ABCA9: variants seen among roughly 807,000 people sequenced by gnomAD.
ABCA9 encodes ATP binding cassette subfamily A member 9.
Under a neutral mutation model 205.3 loss-of-function variants are expected in ABCA9, and 183 were observed. The ratio of observed to expected loss-of-function variants is 0.89; its 90% CI spans 0.79 to 1.01. ABCA9 has a LOEUF of 1.01. Ranked by LOEUF, ABCA9 falls within the 50% of genes least tolerant of loss-of-function variation. ABCA9 has a pLI of 0.00. For synonymous variants in ABCA9, 651 were observed against 683.3 expected (o/e 0.95, Z 0.74); for missense variants, 1,805 against 1,912.4 (o/e 0.94, Z 1.05).
In ABCA9 at chr17:68,984,088, G is replaced by T; in HGVS notation, c.4467C>A (p.Asp1489Glu). Residue 1489 changes from aspartate (D) to glutamate (E), a missense_variant, in exon 35 of 39, where the codon GAC becomes GAA. Transcript: ENST00000340001. ...TTCCTGACACCATGATGGCCACTCG[G>T]TCACACACCGCCTCAGCCTCTGCCA... ...HYMAEAEAVC[D>E]RVAIMVSGRL... 1.2e-6 allele frequency: 2 copies of T among 1,614,142 alleles called. No individual in the cohort carries two copies. The highest frequency in any genetic ancestry group is 2.2e-5 in the South Asian group (2 of 91,072).
At chr17:69,035,956 T>C (rs2071324118) in intron 6 of ABCA9, among the ~76,000 whole-genome samples, 155 bp from the exon 7 acceptor site, 1 of 152,122 alleles carries the variant, frequency 6.6e-6, no homozygotes, top group Admixed American at 6.6e-5. Context: ...CAGGATCACA[T>C]AATATAAAAG....
chr17:68,989,012 G>A lies in ABCA9; in HGVS notation c.4047+15C>T. On this transcript the variant is annotated intron_variant, in intron 31 of 38. Coordinates refer to ENST00000340001, the MANE Select transcript of ABCA9 (RefSeq NM_080283.4). ...AGGTAGCACTAATGACCATATTCCT[G>A]TACGTTTTACTGACCTGTCCTGCAG... The A allele has an allele frequency of 1.9e-6, 3 of 1,543,974 alleles. No individual in the cohort carries two copies. The highest frequency in any genetic ancestry group is 2.2e-5 in the East Asian group (1 of 44,464).
intron 17 of ABCA9, among the ~76,000 whole-genome samples, chr17:69,022,809 C>T (rs1349396150): frequency 1.3e-5 from 2 of 152,124 alleles, no homozygotes; most frequent in African/African-American, 4.8e-5. Flanking sequence ...AAAAGATAAA[C>T]TAATTCAATA....
Position 69,017,699 on chromosome 17 carries a change from T to G in ABCA9, c.2858A>C (p.Asp953Ala), listed in dbSNP as rs774340921. 7 of 1,613,310 alleles carry G rather than the reference T, an allele frequency of 4.3e-6. No homozygotes were observed. The highest frequency in any genetic ancestry group is 5.9e-6 in the Non-Finnish European group (7 of 1,179,498). Residue 953 changes from aspartate (D) to alanine (A), a missense_variant, in exon 21 of 39, where the codon GAC (aspartate) becomes GCC (alanine). Coordinates refer to ENST00000340001, the MANE Select transcript of ABCA9 (RefSeq NM_080283.4). ...AATGATAGCACCATTGTAAGATGGG[T>G]CATCTGTGCCATTTCTAGTTCCAAA... ...DAFGTRNGTD[D>A]PSYNGAIIVS...
intron 1 of ABCA9, among the ~76,000 whole-genome samples, chr17:69,058,718 A>T (rs555130245): frequency 2.6e-5 from 4 of 152,146 alleles, no homozygotes; most frequent in South Asian, 2.1e-4. Flanking sequence ...GAGTGCCCGT[A>T]ATCCCAGCTC....
intron 1 of ABCA9, among the ~76,000 whole-genome samples, chr17:69,053,288 T>C (rs2071965991): frequency 6.6e-6 from 1 of 152,164 alleles, no homozygotes; most frequent in African/African-American, 2.4e-5. Flanking sequence ...AACACGAAGA[T>C]ACTCATTTCA....
chr17:69,008,192 G>C lies in ABCA9; in HGVS notation c.3191C>G (p.Ser1064Cys), dbSNP rs1324401328. ...SQLRISGLYP[S>C]AYWFGQALVD... Reference sequence around the variant, plus strand: ...CAGTGCTTGGCCAAACCAGTATGCAGAAGGGTAGAGGCCTGAAATCCGTAG... The same window carrying C: ...CAGTGCTTGGCCAAACCAGTATGCACAAGGGTAGAGGCCTGAAATCCGTAG... Residue 1064 changes from serine to cysteine, a missense_variant, in exon 24 of 39, where the codon TCT becomes TGT. Coordinates refer to ENST00000340001, the MANE Select transcript of ABCA9 (RefSeq NM_080283.4). 3.7e-6 allele frequency: 6 copies of C among 1,614,110 alleles called. No individual in the cohort carries two copies. The highest frequency in any genetic ancestry group is 5.1e-6 in the Non-Finnish European group (6 of 1,179,998).
chr17:69,038,130 C>T (rs1371576830), intron 6 of ABCA9, among the ~76,000 whole-genome samples: 1 of 152,090 alleles, frequency 6.6e-6, no homozygotes, highest in Non-Finnish European at 1.5e-5. Context: ...CTGAATTCTA[C>T]CAGAAGTACA....
intron 37 of ABCA9, among the ~76,000 whole-genome samples, chr17:68,981,135 G>A (rs1252513445): frequency 3.3e-5 from 5 of 152,028 alleles, no homozygotes; most frequent in African/African-American, 1.2e-4. Flanking sequence ...GGCAACAATA[G>A]AGGGTAGGGA....
rs1273287552 is a variant in ABCA9, at chr17:69,043,634, C to CT, written c.654dup (p.Gly219ArgfsTer6). 6.2e-7 allele frequency: 1 copy of CT among 1,613,560 alleles called. No homozygotes were observed. Among genetic ancestry groups the CT allele is most frequent in the Non-Finnish European group, 8.5e-7 (1 of 1,179,856 alleles). On this transcript the variant is annotated frameshift_variant, in exon 6 of 39. Transcript: ENST00000340001. LOFTEE classifies it high-confidence loss of function. ...ATGAAAAAATCAGTTGCAACTCCTC[C>CT]TTGGGCAACAAAAGGTAATATCTTC...
rs1263399293 is a variant in ABCA9, at chr17:69,035,261, A to C, written c.1113T>G (p.Thr371=). Residue 371 remains threonine, a synonymous_variant, in exon 8 of 39, where the codon ACT becomes ACG. Transcript: ENST00000340001. ...TLCLLSPFAF[T]VGMAQLIHLD... is the part of the protein sequence containing the mutation. ...TAACTCTTACCTGGGCCATCCCAACAGTGAAGGCAAAGGGGCTAAGAAGAC... is the reference window on the plus strand; with the variant it reads ...TAACTCTTACCTGGGCCATCCCAACCGTGAAGGCAAAGGGGCTAAGAAGAC... 9.5e-6 allele frequency: 15 copies of C among 1,586,552 alleles called. No homozygotes were observed. Among genetic ancestry groups the C allele is most frequent in the African/African-American group, 1.4e-5 (1 of 73,850 alleles).
At chr17:69,026,311 G>A in intron 16 of ABCA9, 66 bp downstream of exon 16, 2 of 1,315,368 alleles carry the variant, frequency 1.5e-6, no homozygotes, top group Admixed American at 1.8e-5. Flanking sequence ...ACACATTGAT[G>A]CTGATACCAC....
chr17:69,026,754 T>A (rs1391558992), intron 15 of ABCA9, among the ~76,000 whole-genome samples: 1 of 152,064 alleles, frequency 6.6e-6, no homozygotes, highest in Non-Finnish European at 1.5e-5. Flanking sequence ...TCTTAGAAAG[T>A]GTGATATGTA....
chr17:69,015,279 T>C (rs1056918038), intron 22 of ABCA9, among the ~76,000 whole-genome samples: 1 of 152,158 alleles, frequency 6.6e-6, no homozygotes, highest in South Asian at 2.1e-4. Flanking sequence ...AAAATTGAAG[T>C]TTGGGACTGC....
chr17:68,977,191 T>C (rs12452893), intron 37 of ABCA9, among the ~76,000 whole-genome samples: 1 of 151,864 alleles, frequency 6.6e-6, no homozygotes, highest in Admixed American at 6.6e-5. Context: ...ACTCAGGAGC[T>C]GCCAGGTGGT....
At position 68,989,040 on chromosome 17, in the gene ABCA9, G is replaced by A; in HGVS notation, c.4034C>T (p.Pro1345Leu). The change falls in exon 31 of 39, where the codon CCA becomes CTA. Residue 1345 changes from proline (P) to leucine (L), a missense_variant. Coordinates refer to ENST00000340001, the MANE Select transcript of ABCA9 (RefSeq NM_080283.4). ...CGTTTTACTGACCTGTCCTGCAGTT[G>A]GTTTTGTGTCTCCAGTTATCATCTT... ...TIKMITGDTK[P>L]TAGQVILKGS... The A allele has an allele frequency of 6.2e-7, 1 of 1,609,248 alleles. No individual in the cohort carries two copies. The highest frequency in any genetic ancestry group is 8.5e-7 in the Non-Finnish European group (1 of 1,175,950).
chr17:69,047,694 G>A (rs117056357), intron 3 of ABCA9, among the ~76,000 whole-genome samples: 39 of 152,278 alleles, frequency 2.6e-4, no homozygotes, highest in Non-Finnish European at 5.1e-4. Context: ...GTAAGTTCCT[G>A]TTTTCCCATT....
intron 25 of ABCA9, among the ~76,000 whole-genome samples, chr17:69,004,406 A>G (rs1407726334): frequency 2.0e-5 from 3 of 152,148 alleles, no homozygotes; most frequent in Non-Finnish European, 1.5e-5. Context: ...CCCCTGCTGG[A>G]GGGTGCCTCC....
chr17:69,012,727 G>A (rs569260128), intron 22 of ABCA9, among the ~76,000 whole-genome samples: 13 of 152,142 alleles, frequency 8.5e-5, no homozygotes, highest in South Asian at 2.1e-4. Flanking sequence ...TATCCTTTGC[G>A]TTACAAACAA....
Sources: gnomAD v4.1 joint callset for allele counts (sites outside exome capture counted in the v4.1 genomes callset) on GRCh38, gnomAD v4.1.1 for gene constraint, MANE v1.5 for transcripts, NCBI Gene and HGNC (gene_info 2026-07-23, HGNC 2026-07-21) for gene names.